The following ZMAT3 variants were observed in gnomAD, a reference collection of about 807,000 sequenced individuals.
ZMAT3 encodes the protein zinc finger matrin-type 3.
ZMAT3 carries 17 observed loss-of-function variants against 32.3 expected under a neutral mutation model. That is an observed-to-expected ratio of 0.53 (90% CI 0.36 to 0.79). ZMAT3 has a LOEUF of 0.79. Among genes scored for constraint, ZMAT3 ranks in the 30% least tolerant of loss-of-function variants. ZMAT3 has a pLI of 0.00. For missense variants in ZMAT3, 329 were observed against 359.7 expected (o/e 0.91, Z 0.69); for synonymous variants, 120 against 133.1 (o/e 0.90, Z 0.68).
At chr3:179,039,605 A>T (rs1246131585) in intron 2 of ZMAT3, among the ~76,000 whole-genome samples, 1 of 152,260 alleles carries the variant, frequency 6.6e-6, no homozygotes, top group Non-Finnish European at 1.5e-5. Context: ...AAAGGTAGAT[A>T]AAACCAAAAA....
intron 2 of ZMAT3, among the ~76,000 whole-genome samples, chr3:179,058,546 G>A (rs1311137348): frequency 1.3e-5 from 2 of 152,160 alleles, no homozygotes; most frequent in Non-Finnish European, 2.9e-5. Context: ...CACGAGGTCA[G>A]GAGATCGAGA....
At chr3:179,047,148 G>A (rs1720284675) in intron 2 of ZMAT3, among the ~76,000 whole-genome samples, 1 of 152,200 alleles carries the variant, frequency 6.6e-6, no homozygotes, top group South Asian at 2.1e-4. Flanking sequence ...GGTATCCACA[G>A]CTGACAGACA....
In ZMAT3 at chr3:179,023,368, C is replaced by A. The variant is rs1384456495; in HGVS notation, c.*1649G>T. 4 of 151,412 alleles carry A rather than the reference C, an allele frequency of 2.6e-5. No homozygotes were observed. The highest frequency in any genetic ancestry group is 3.9e-4 in the East Asian group (2 of 5,164). 9.4% of individuals were successfully genotyped at this position (151,412 alleles called of 1,614,324 possible). A position where few individuals can be genotyped will look rare whatever the true frequency, so the allele number is the denominator to read the frequency against. ...TACTTGTTAGTATCTTCAAGAAAGC[C>A]GAATTACAAAGAATAAAACCATAGT... On this transcript the variant is annotated 3_prime_UTR_variant, in exon 6 of 6. Coordinates refer to ENST00000311417, the MANE Select transcript of ZMAT3 (RefSeq NM_022470.4).
intron 3 of ZMAT3, among the ~76,000 whole-genome samples, chr3:179,028,470 A>G (rs1476305727): frequency 3.9e-5 from 6 of 152,378 alleles, no homozygotes; most frequent in East Asian, 1.9e-4. Flanking sequence ...AATATAGTAC[A>G]TGATAAAGAT....
At chr3:179,032,862 G>T (rs1266677510) in intron 2 of ZMAT3, among the ~76,000 whole-genome samples, 1 of 151,270 alleles carries the variant, frequency 6.6e-6, no homozygotes, top group Non-Finnish European at 1.5e-5. Flanking sequence ...CCCCATCCAG[G>T]AGGTGGGGGG....
At chr3:179,047,456 AC>A (rs1229601739) in intron 2 of ZMAT3, among the ~76,000 whole-genome samples, 4 of 152,314 alleles carry the variant, frequency 2.6e-5, no homozygotes, top group African/African-American at 9.6e-5. Context: ...GTTCTTTAAC[AC>A]CCCCAAAAGA....
At position 179,018,360 on chromosome 3, in the gene ZMAT3, T is replaced by C. The variant is rs1212240381; in HGVS notation, c.*6657A>G. The C allele has an allele frequency of 2.0e-5, 3 of 152,116 alleles. No individual in the cohort carries two copies. Among genetic ancestry groups the C allele is most frequent in the Non-Finnish European group, 2.9e-5 (2 of 68,012 alleles). The allele number at this position is 152,116 out of a possible 1,614,324, so 9.4% of individuals were successfully genotyped here. ...ATGTTGCATTATTAGTATTCAACAG[T>C]GCAGCAAGATTTTTAGCAACTGCGT... On this transcript the variant is annotated 3_prime_UTR_variant, in exon 6 of 6. Coordinates refer to ENST00000311417, the MANE Select transcript of ZMAT3 (RefSeq NM_022470.4).
chr3:179,065,892 C>T (rs1384698200), intron 2 of ZMAT3, among the ~76,000 whole-genome samples: 1 of 151,830 alleles, frequency 6.6e-6, no homozygotes, highest in African/African-American at 2.4e-5. Context: ...GGCAACAGAG[C>T]GAGACTCTGT....
rs1370818444 is a variant in ZMAT3, at chr3:179,024,796, T to C, written c.*221A>G. On this transcript the variant is annotated 3_prime_UTR_variant, in exon 6 of 6. Coordinates refer to ENST00000311417, the MANE Select transcript of ZMAT3 (RefSeq NM_022470.4). ...ATGAGCGGCTCAACACCATTGACCC[T>C]GCAAAAGCGTTATGACCTAAGAAGC... 33 of 535,042 alleles carry C rather than the reference T, an allele frequency of 6.2e-5. No homozygotes were observed. The highest frequency in any genetic ancestry group is 8.8e-5 in the Non-Finnish European group (26 of 296,058). 33.1% of individuals were successfully genotyped at this position (535,042 alleles called of 1,614,324 possible). A position where few individuals can be genotyped will look rare whatever the true frequency, so the allele number is the denominator to read the frequency against.
rs933995144 is a variant in ZMAT3 at position 179,021,757 on chromosome 3, T to C, written c.*3260A>G. 1.3e-4 allele frequency: 20 copies of C among 152,300 alleles called. No individual in the cohort carries two copies. Among genetic ancestry groups the C allele is most frequent in the South Asian group, 6.2e-4 (3 of 4,830 alleles). The allele number at this position is 152,300 out of a possible 1,614,324, so 9.4% of individuals were successfully genotyped here. A position where few individuals can be genotyped will look rare whatever the true frequency, so the allele number is the denominator to read the frequency against. ...GTCTGCTTAAACAGAGAAAAAACAC[T>C]GTTTATGGAATACATGAATATGAGA... On this transcript the variant is annotated 3_prime_UTR_variant, in exon 6 of 6. Coordinates refer to ENST00000311417, the MANE Select transcript of ZMAT3 (RefSeq NM_022470.4).
At chr3:179,047,016 G>C (rs1214608725) in intron 2 of ZMAT3, among the ~76,000 whole-genome samples, 1 of 152,164 alleles carries the variant, frequency 6.6e-6, no homozygotes, top group Non-Finnish European at 1.5e-5. Context: ...ATGCACTCTT[G>C]AAAGCACCAC....
intron 2 of ZMAT3, among the ~76,000 whole-genome samples, chr3:179,033,248 G>C (rs1258859251): frequency 6.6e-6 from 1 of 152,126 alleles, no homozygotes; most frequent in African/African-American, 2.4e-5. Flanking sequence ...GATTAAGGGC[G>C]GTGCAAGATG....
At chr3:179,039,357 TC>T (rs1719786949) in intron 2 of ZMAT3, among the ~76,000 whole-genome samples, 1 of 152,182 alleles carries the variant, frequency 6.6e-6, no homozygotes, top group Non-Finnish European at 1.5e-5. Flanking sequence ...GGATGCAGAT[TC>T]CGGAGGAAGG....
intron 3 of ZMAT3, among the ~76,000 whole-genome samples, chr3:179,029,304 T>C (rs1302411060): frequency 6.6e-6 from 1 of 152,166 alleles, no homozygotes; most frequent in Non-Finnish European, 1.5e-5. Context: ...TTGAGTAATA[T>C]GGCCAATACC....
At chr3:179,033,348 CGGAA>C (rs1400445133) in intron 2 of ZMAT3, among the ~76,000 whole-genome samples, 12 of 152,090 alleles carry the variant, frequency 7.9e-5, no homozygotes, top group African/African-American at 2.4e-4. Flanking sequence ...ACAAACACTG[CGGAA>C]GGCGGAAGGC....
At chr3:179,032,955 C>T (rs1719364226) in intron 2 of ZMAT3, among the ~76,000 whole-genome samples, 1 of 152,090 alleles carries the variant, frequency 6.6e-6, no homozygotes, top group Non-Finnish European at 1.5e-5. Flanking sequence ...TGAGGAGCCT[C>T]TCTGCCCGGC....
intron 2 of ZMAT3, among the ~76,000 whole-genome samples, chr3:179,052,704 T>G (rs1468032563): frequency 6.6e-6 from 1 of 152,210 alleles, no homozygotes; most frequent in African/African-American, 2.4e-5. Flanking sequence ...GTGCACACAT[T>G]TATACCAGCA....
chr3:179,022,626 T>TG lies in ZMAT3; in HGVS notation c.*2390dup, dbSNP rs1472671616. ...TAAGCAACTCTACTTTATAGATTAC[T>TG]GAAAAAATAATAATAATAATAATAA... On this transcript the variant is annotated 3_prime_UTR_variant, in exon 6 of 6. Transcript: ENST00000311417. 1.7e-5 allele frequency: 2 copies of TG among 115,016 alleles called. No individual in the cohort carries two copies. The highest frequency in any genetic ancestry group is 4.7e-4 in the East Asian group (1 of 2,122). The allele number at this position is 115,016 out of a possible 1,614,324, so 7.1% of individuals were successfully genotyped here. A position where few individuals can be genotyped will look rare whatever the true frequency, so the allele number is the denominator to read the frequency against.
chr3:179,054,754 G>A (rs1157782982), intron 2 of ZMAT3, among the ~76,000 whole-genome samples: 1 of 152,134 alleles, frequency 6.6e-6, no homozygotes, highest in African/African-American at 2.4e-5. Context: ...TCGCAGACCC[G>A]CCGGCGACTT....
Sources: allele counts gnomAD v4.1 joint callset (sites outside exome capture counted in the v4.1 genomes callset), GRCh38; gene constraint gnomAD v4.1.1; transcripts MANE v1.5; gene names NCBI Gene and HGNC (gene_info 2026-07-23, HGNC 2026-07-21).